Variants in SRFBP1 observed in about 807,000 individuals in gnomAD.
SRFBP1 encodes serum response factor-binding protein 1.
Under a neutral mutation model 45.5 loss-of-function variants are expected in SRFBP1, and 47 were observed. The ratio of observed to expected loss-of-function variants is 1.03; its 90% CI spans 0.82 to 1.32. SRFBP1 has a LOEUF of 1.32. SRFBP1 is among the 40% of genes most tolerant of loss of function. SRFBP1 has a pLI of 0.00. For synonymous variants in SRFBP1, 203 were observed against 166.3 expected (o/e 1.22, Z -1.70); for missense variants, 621 against 484.6 (o/e 1.28, Z -2.64).
Position 121,964,145 on chromosome 5 carries a change from T to C in SRFBP1, c.36+2077T>C, listed in dbSNP as rs185846225. ...ATCACCACTAGAATCCTAGTACAGC[T>C]ACTGTACTAGCTTCCCAACTACTTA... On this transcript the variant is annotated intron_variant, in intron 1 of 7. Coordinates refer to ENST00000339397, the MANE Select transcript of SRFBP1 (RefSeq NM_152546.3). Among the ~76,000 whole-genome samples the C allele has an allele frequency of 9.6e-3, 1,458 of 152,284 alleles. 28 individuals are homozygous for C. The highest frequency in any genetic ancestry group is 0.033 in the African/African-American group (1,379 of 41,554).
Position 122,027,073 on chromosome 5 carries a change from C to G in SRFBP1, c.1237C>G (p.Gln413Glu), listed in dbSNP as rs988125238. Residue 413 changes from glutamine to glutamate, a missense_variant, in exon 8 of 8, where the codon CAG becomes GAG. Gln to Glu is a conservative substitution (Grantham distance 29). Coordinates refer to ENST00000339397, the MANE Select transcript of SRFBP1 (RefSeq NM_152546.3). ...SWEASRRRKE[Q>E]QSNIAVFQGK... Reference sequence around the variant, plus strand: ...GGAAGCAAGCAGAAGGCGAAAAGAACAGCAATCTAATATTGCTGTGTTTCA... The same window carrying G: ...GGAAGCAAGCAGAAGGCGAAAAGAAGAGCAATCTAATATTGCTGTGTTTCA... 2.5e-6 allele frequency: 4 copies of G among 1,612,304 alleles called. No individual in the cohort carries two copies. The African/African-American group carries it at 5.4e-5, about 22-fold the overall frequency.
chr5:122,014,568 A>AT (rs146205000), intron 4 of SRFBP1, among the ~76,000 whole-genome samples: 5,821 of 152,240 alleles, frequency 0.038, 322 homozygotes, highest in African/African-American at 0.12. Context: ...TAGAAAAAAA[A>AT]AATTAAAAAA....
chr5:121,975,701 A>G (rs950703781), intron 3 of SRFBP1, among the ~76,000 whole-genome samples: 3 of 152,002 alleles, frequency 2.0e-5, no homozygotes, highest in African/African-American at 7.2e-5. Context: ...GCACGAAGTC[A>G]GTTCAAGAAT....
intron 4 of SRFBP1, among the ~76,000 whole-genome samples, chr5:122,013,258 A>G (rs139894575): frequency 7.0e-4 from 107 of 152,242 alleles, no homozygotes; most frequent in African/African-American, 2.3e-3. Context: ...TCATATTTCA[A>G]TATAACAAGT....
intron 3 of SRFBP1, among the ~76,000 whole-genome samples, chr5:121,993,382 T>C (rs996075382): frequency 6.6e-6 from 1 of 152,200 alleles, no homozygotes; most frequent in Admixed American, 6.5e-5. Context: ...CTGATGGTCT[T>C]GTTTAAATTG....
chr5:122,015,380 A>G (rs1753175335), intron 4 of SRFBP1, among the ~76,000 whole-genome samples: 1 of 152,190 alleles, frequency 6.6e-6, no homozygotes, highest in African/African-American at 2.4e-5. Context: ...TTAAATTTTT[A>G]AACATCACGG....
intron 4 of SRFBP1, among the ~76,000 whole-genome samples, chr5:122,009,860 A>G (rs1357568172): frequency 2.6e-5 from 4 of 152,122 alleles, no homozygotes; most frequent in Non-Finnish European, 4.4e-5. Context: ...TTTGCTTTCT[A>G]TATGTCGTCA....
At chr5:122,043,371 A>G (rs1270882831) in intron 2 of SRFBP1, among the ~76,000 whole-genome samples, 1 of 152,028 alleles carries the variant, frequency 6.6e-6, no homozygotes, top group African/African-American at 2.4e-5. Flanking sequence ...ATGCCTTGCT[A>G]CACCCGGCTA....
chr5:121,984,600 T>G (rs1424672506), intron 3 of SRFBP1, among the ~76,000 whole-genome samples: 3 of 151,804 alleles, frequency 2.0e-5, no homozygotes, highest in African/African-American at 7.2e-5. Flanking sequence ...ACTTATTTGC[T>G]GTGGTGAGTA....
In SRFBP1 at chr5:121,966,766, T is replaced by A. The variant is rs192062122; in HGVS notation, c.36+4698T>A. 4.0e-5 allele frequency among the ~76,000 whole-genome samples: 6 copies of A among 151,258 alleles called. No homozygotes were observed. The East Asian group carries it at 5.8e-4, about 15-fold the overall frequency. On this transcript the variant is annotated intron_variant, in intron 1 of 7. Transcript: ENST00000339397. The stretch of plus-strand genomic sequence containing the variant: ...TATATGTACAACTGACATTTTATTT[T>A]TTTTTATTTTTTATTTTTTATTTTT...
chr5:122,068,480 A>G (rs1754361476), intron 2 of SRFBP1, among the ~76,000 whole-genome samples: 3 of 152,106 alleles, frequency 2.0e-5, no homozygotes, highest in Admixed American at 2.0e-4. Context: ...TTGTATCTCT[A>G]TTACAGTTAT....
At chr5:122,043,243 T>C (rs1388826764) in intron 2 of SRFBP1, among the ~76,000 whole-genome samples, 2 of 151,942 alleles carry the variant, frequency 1.3e-5, no homozygotes, top group African/African-American at 4.8e-5. Context: ...CGAGACAGAG[T>C]CTCCCTCTGT....
In SRFBP1 at chr5:122,027,270, C is replaced by A. The variant is rs1248552583; in HGVS notation, c.*144C>A. ...CAAACTCCTGGGCTCAAGTGATCCTCCCACCTCTGCCTCCCAAAGGGCTGG... is the reference window on the plus strand; with the variant it reads ...CAAACTCCTGGGCTCAAGTGATCCTACCACCTCTGCCTCCCAAAGGGCTGG... On this transcript the variant is annotated 3_prime_UTR_variant, in exon 8 of 8. Coordinates refer to ENST00000339397, the MANE Select transcript of SRFBP1 (RefSeq NM_152546.3). 3 of 610,110 alleles carry A rather than the reference C, an allele frequency of 4.9e-6. No homozygotes were observed. The highest frequency in any genetic ancestry group is 8.2e-6 in the Non-Finnish European group (3 of 364,170). 37.8% of individuals were successfully genotyped at this position (610,110 alleles called of 1,614,324 possible). A position where few individuals can be genotyped will look rare whatever the true frequency, so the allele number is the denominator to read the frequency against.
intron 2 of SRFBP1, among the ~76,000 whole-genome samples, chr5:122,049,257 CA>C (rs1753924290): frequency 6.6e-6 from 1 of 151,908 alleles, no homozygotes; most frequent in African/African-American, 2.4e-5. Context: ...TTTAAACCAA[CA>C]AAGATCAAAA....
intron 2 of SRFBP1, among the ~76,000 whole-genome samples, chr5:122,058,499 T>C (rs2152580746): frequency 6.6e-6 from 1 of 151,650 alleles, no homozygotes; most frequent in South Asian, 2.1e-4. Flanking sequence ...TAATAGATCC[T>C]ACTTCATAGC....
chr5:122,032,144 T>C (rs1031510811), downstream of SRFBP1, among the ~76,000 whole-genome samples: 5 of 152,220 alleles, frequency 3.3e-5, no homozygotes, highest in Admixed American at 6.5e-5. Flanking sequence ...TAAAAAGATA[T>C]ATATAAAGTT....
chr5:122,057,641 T>TAA (rs879356959), intron 2 of SRFBP1, among the ~76,000 whole-genome samples: 1 of 143,676 alleles, frequency 7.0e-6, no homozygotes, highest in Non-Finnish European at 1.5e-5. Flanking sequence ...CTCAGTTCTT[T>TAA]AAAAAAAAAA....
At chr5:121,964,372 T>C (rs1431172478) in intron 1 of SRFBP1, among the ~76,000 whole-genome samples, 1 of 151,990 alleles carries the variant, frequency 6.6e-6, no homozygotes, top group Non-Finnish European at 1.5e-5. Context: ...GGCCTTGGTG[T>C]GTGATGTTCC....
chr5:122,041,814 T>C (rs1753778357), intron 2 of SRFBP1, among the ~76,000 whole-genome samples: 1 of 152,180 alleles, frequency 6.6e-6, no homozygotes, highest in Non-Finnish European at 1.5e-5. Context: ...CTTGCCTAAT[T>C]AGAATTGCTA....
Sources: gnomAD v4.1 joint callset for allele counts (sites outside exome capture counted in the v4.1 genomes callset) on GRCh38, gnomAD v4.1.1 for gene constraint, MANE v1.5 for transcripts, NCBI Gene and HGNC (gene_info 2026-07-23, HGNC 2026-07-21) for gene names.